Variants in C1orf105 observed in about 807,000 individuals in gnomAD.
The protein encoded by C1orf105 is chromosome 1 open reading frame 105.
A neutral mutation model predicts 20.8 loss-of-function variants in C1orf105; 17 were observed. That is an observed-to-expected ratio of 0.82 (90% CI 0.56 to 1.23). The LOEUF (loss-of-function observed/expected upper bound fraction) is 1.23. Among genes scored for constraint, C1orf105 ranks in the 50% most tolerant of loss-of-function variants. The pLI, the probability that C1orf105 is intolerant of heterozygous loss-of-function variation, is 0.00. For missense variants in C1orf105, 219 were observed against 213.5 expected (o/e 1.03, Z -0.16); for synonymous variants, 72 against 72.1 (o/e 1.00, Z 0.01).
At chr1:172,434,969 C>A (rs1211622881) in intron 1 of C1orf105, among the ~76,000 whole-genome samples, 1 of 152,192 alleles carries the variant, frequency 6.6e-6, no homozygotes, top group East Asian at 1.9e-4. Flanking sequence ...CTATAAACAC[C>A]TCTATGCAAA....
At chr1:172,432,790 T>C (rs747255203) in intron 1 of C1orf105, among the ~76,000 whole-genome samples, 4 of 152,234 alleles carry the variant, frequency 2.6e-5, no homozygotes, top group Non-Finnish European at 5.9e-5. Context: ...AGAAGTAGGC[T>C]TCAGAAGGTC....
intron 1 of C1orf105, among the ~76,000 whole-genome samples, chr1:172,438,485 A>G (rs2072113216): frequency 6.6e-6 from 1 of 152,246 alleles, no homozygotes; most frequent in South Asian, 2.1e-4. Context: ...AGTGGTGTGT[A>G]AAGATGTGAC....
At chr1:172,462,268 G>A (rs1415250187) in intron 5 of C1orf105, 23 bp downstream of exon 5, 2 of 1,546,706 alleles carry the variant, frequency 1.3e-6, no homozygotes, top group Non-Finnish European at 8.9e-7. Context: ...TTTAAATCAG[G>A]ACATGACTTA....
intron 5 of C1orf105, among the ~76,000 whole-genome samples, chr1:172,462,751 G>A (rs1649784637): frequency 6.6e-6 from 1 of 151,818 alleles, no homozygotes; most frequent in East Asian, 1.9e-4. Flanking sequence ...GTTTTTTTGT[G>A]TGTTTTGTTT....
chr1:172,462,264 T>C lies in C1orf105; in HGVS notation c.341+19T>C, dbSNP rs1649752612. The C allele has an allele frequency of 6.4e-7, 1 of 1,562,866 alleles. No individual in the cohort carries two copies. The highest frequency in any genetic ancestry group is 8.8e-7 in the Non-Finnish European group (1 of 1,140,276). ...GTTATAGGTAAGTCAACAATTTAAATCAGGACATGACTTAATTCTTGTTAT... is the reference window on the plus strand; with the variant it reads ...GTTATAGGTAAGTCAACAATTTAAACCAGGACATGACTTAATTCTTGTTAT... On this transcript the variant is annotated intron_variant, in intron 5 of 6. Coordinates refer to ENST00000367727, the MANE Select transcript of C1orf105 (RefSeq NM_139240.4).
chr1:172,468,749 C>A lies in C1orf105; in HGVS notation c.*155C>A. ...AAGATTGCTGGTATTCTAGCTCTTA[C>A]CTCTATGTTCTTTCTCACGTCTCCT... On this transcript the variant is annotated 3_prime_UTR_variant, in exon 7 of 7. Transcript: ENST00000367727. The A allele has an allele frequency of 1.5e-6, 1 of 687,300 alleles. No homozygotes were observed. The highest frequency in any genetic ancestry group is 1.8e-5 in the African/African-American group (1 of 55,940). The allele number at this position is 687,300 out of a possible 1,614,324, so 42.6% of individuals were successfully genotyped here. A position where few individuals can be genotyped will look rare whatever the true frequency, so the allele number is the denominator to read the frequency against.
At chr1:172,464,644 GTTT>G (rs35644684) in intron 5 of C1orf105, among the ~76,000 whole-genome samples, 41 of 146,804 alleles carry the variant, frequency 2.8e-4, no homozygotes, top group East Asian at 2.0e-3. Context: ...GAAGAGTTCT[GTTT>G]TTTTTTTTTT....
chr1:172,468,608 A>G lies in C1orf105; in HGVS notation c.*14A>G. The G allele has an allele frequency of 1.9e-6, 3 of 1,610,436 alleles. No homozygotes were observed. Among genetic ancestry groups the G allele is most frequent in the South Asian group, 1.1e-5 (1 of 90,668 alleles). ...ACGAGGCAGTGAGCGGTAGGAGCTC[A>G]TCACCTCCCAGACTCCCAGAGAGAA... On this transcript the variant is annotated 3_prime_UTR_variant, in exon 7 of 7. Coordinates refer to ENST00000367727, the MANE Select transcript of C1orf105 (RefSeq NM_139240.4).
intron 3 of C1orf105, chr1:172,450,957 T>C (rs1239083877): frequency 6.6e-6 from 1 of 152,246 alleles, no homozygotes; most frequent in Non-Finnish European, 1.5e-5. Flanking sequence ...TTTCCTCGTT[T>C]AAACATCTAC....
At chr1:172,455,937 G>A (rs950273144) in intron 3 of C1orf105, among the ~76,000 whole-genome samples, 1 of 152,030 alleles carries the variant, frequency 6.6e-6, no homozygotes, top group Non-Finnish European at 1.5e-5. Flanking sequence ...CTTAGGAAAG[G>A]CCCGTGAAAA....
At chr1:172,430,442 CTTTT>C (rs2071839696) in intron 1 of C1orf105, 6 of 598,794 alleles carry the variant, frequency 1.0e-5, no homozygotes, top group South Asian at 2.0e-5. Context: ...TTTCTTAAAC[CTTTT>C]TTTATTTATT....
At chr1:172,452,074 T>C (rs1023784044) in intron 3 of C1orf105, among the ~76,000 whole-genome samples, 54 of 152,170 alleles carry the variant, frequency 3.5e-4, no homozygotes, top group African/African-American at 1.1e-3. Context: ...GGTTTCACCA[T>C]GTTGGTCAGG....
intron 1 of C1orf105, chr1:172,444,168 G>C (rs1024641511): frequency 1.0e-6 from 1 of 987,184 alleles, no homozygotes; most frequent in Non-Finnish European, 1.2e-6. Flanking sequence ...CTGGCTGCTC[G>C]AAGGACCTCC....
Position 172,468,729 on chromosome 1 carries a change from T to C in C1orf105, c.*135T>C. On this transcript the variant is annotated 3_prime_UTR_variant, in exon 7 of 7. Transcript: ENST00000367727. Reference sequence around the variant, plus strand: ...TGATTTAATTTTGCCTTCCTAAGATTGCTGGTATTCTAGCTCTTACCTCTA... The same window carrying C: ...TGATTTAATTTTGCCTTCCTAAGATCGCTGGTATTCTAGCTCTTACCTCTA... 3 of 959,126 alleles carry C rather than the reference T, an allele frequency of 3.1e-6. No individual in the cohort carries two copies. The highest frequency in any genetic ancestry group is 4.6e-6 in the Non-Finnish European group (3 of 646,508). 59.4% of individuals were successfully genotyped at this position (959,126 alleles called of 1,614,324 possible). A position where few individuals can be genotyped will look rare whatever the true frequency, so the allele number is the denominator to read the frequency against.
intron 5 of C1orf105, 108 bp downstream of exon 5, chr1:172,462,353 G>C: frequency 1.3e-6 from 1 of 772,682 alleles, no homozygotes; most frequent in South Asian, 2.0e-5. Context: ...GAATGCTTAG[G>C]GAACAGGCTT....
At chr1:172,423,447 C>A (rs1490023395) in intron 1 of C1orf105, among the ~76,000 whole-genome samples, 1 of 152,060 alleles carries the variant, frequency 6.6e-6, no homozygotes, top group Non-Finnish European at 1.5e-5. Flanking sequence ...CCCCTTAATG[C>A]TGATATGGCT....
intron 4 of C1orf105, 50 bp downstream of exon 4, chr1:172,456,539 A>C: frequency 6.4e-7 from 1 of 1,556,268 alleles, no homozygotes; most frequent in Non-Finnish European, 8.8e-7. Context: ...AGGGTGCAGC[A>C]CTGCCCTTCC....
intron 1 of C1orf105, chr1:172,428,934 A>C (rs1213416119): frequency 3.4e-6 from 2 of 590,546 alleles, no homozygotes; most frequent in African/African-American, 3.8e-5. Context: ...GTAGATACTA[A>C]ATATTTTGTT....
chr1:172,430,525 C>A (rs949961237), intron 1 of C1orf105, among the ~76,000 whole-genome samples: 1 of 152,126 alleles, frequency 6.6e-6, no homozygotes, highest in Non-Finnish European at 1.5e-5. Context: ...ACTGCATTCT[C>A]GACCTCCTGG....
Sources: allele counts gnomAD v4.1 joint callset (sites outside exome capture counted in the v4.1 genomes callset), GRCh38; gene constraint gnomAD v4.1.1; transcripts MANE v1.5; gene names NCBI Gene and HGNC (gene_info 2026-07-23, HGNC 2026-07-21).